Variants in VOPP1 observed in about 807,000 individuals in gnomAD.
The protein encoded by VOPP1 is WW domain binding protein VOPP1.
VOPP1 carries 8 observed loss-of-function variants against 23.5 expected under a neutral mutation model. The observed-to-expected ratio is 0.34, with a 90% CI of 0.20 to 0.61. The LOEUF (loss-of-function observed/expected upper bound fraction) is 0.61, where lower values mean the gene tolerates loss of function less well. Ranked by LOEUF, VOPP1 falls within the 20% of genes least tolerant of loss-of-function variation. The pLI is 0.78. For synonymous variants in VOPP1, 83 were observed against 97.3 expected (o/e 0.85, Z 0.86); for missense variants, 174 against 238.1 (o/e 0.73, Z 1.77).
chr7:55,436,629 TGC>T (rs1368729078), intron 4 of VOPP1, among the ~76,000 whole-genome samples: 1 of 139,038 alleles, frequency 7.2e-6, no homozygotes, highest in African/African-American at 2.7e-5. Flanking sequence ...TGTGTGTGTG[TGC>T]GTGTGTGTGC....
chr7:55,539,938 CACAG>C (rs1414732240), intron 1 of VOPP1, among the ~76,000 whole-genome samples: 2 of 150,034 alleles, frequency 1.3e-5, no homozygotes, highest in East Asian at 3.9e-4. Flanking sequence ...CACACACACA[CACAG>C]CCTCCCAAAT....
At chr7:55,492,615 A>T (rs1793664832) in intron 3 of VOPP1, among the ~76,000 whole-genome samples, 197 bp from the exon 4 acceptor site, 1 of 152,212 alleles carries the variant, frequency 6.6e-6, no homozygotes, top group East Asian at 1.9e-4. Flanking sequence ...ACCCAGGGAC[A>T]TTCCTCTAGT....
chr7:55,514,548 C>T (rs994373769), intron 2 of VOPP1, among the ~76,000 whole-genome samples: 6 of 152,200 alleles, frequency 3.9e-5, no homozygotes, highest in African/African-American at 1.4e-4. Flanking sequence ...ATACTGAGTG[C>T]CTTCTATGGG....
At chr7:55,468,990 A>G (rs867446150), downstream of VOPP1, among the ~76,000 whole-genome samples, 1 of 152,226 alleles carries the variant, frequency 6.6e-6, no homozygotes, top group Non-Finnish European at 1.5e-5. Flanking sequence ...AAGTGTCAGA[A>G]AAGGTACACT....
At chr7:55,515,286 C>T (rs564984970) in intron 2 of VOPP1, among the ~76,000 whole-genome samples, 1 of 152,276 alleles carries the variant, frequency 6.6e-6, no homozygotes, top group African/African-American at 2.4e-5. Context: ...ATTCAGGCAC[C>T]GAGGAAGGCC....
intron 1 of VOPP1, among the ~76,000 whole-genome samples, chr7:55,570,594 G>A (rs929943344): frequency 4.6e-5 from 7 of 152,276 alleles, no homozygotes; most frequent in Middle Eastern, 6.8e-3. Flanking sequence ...GGAGACATGG[G>A]TGGCACAAAC....
At chr7:55,468,594 T>C (rs551196211), downstream of VOPP1, among the ~76,000 whole-genome samples, 3 of 152,338 alleles carry the variant, frequency 2.0e-5, no homozygotes, top group Non-Finnish European at 4.4e-5. Context: ...AGCGACTGGA[T>C]TGCAACTATG....
At chr7:55,548,407 C>T (rs1384779703) in intron 1 of VOPP1, among the ~76,000 whole-genome samples, 1 of 152,244 alleles carries the variant, frequency 6.6e-6, no homozygotes, top group East Asian at 1.9e-4. Context: ...GCTCCGCCCT[C>T]TGCCCCTCCG....
intron 3 of VOPP1, among the ~76,000 whole-genome samples, chr7:55,493,430 G>C (rs1268189433): frequency 6.6e-6 from 1 of 152,230 alleles, no homozygotes; most frequent in Admixed American, 6.5e-5. Flanking sequence ...TATAAAAGAA[G>C]CTCTTAAGAG....
chr7:55,541,538 G>C (rs1797133404), intron 1 of VOPP1, among the ~76,000 whole-genome samples: 1 of 152,198 alleles, frequency 6.6e-6, no homozygotes, highest in African/African-American at 2.4e-5. Flanking sequence ...CAGCAGCTTT[G>C]AAAATCAGTC....
intron 3 of VOPP1, among the ~76,000 whole-genome samples, chr7:55,495,221 A>T (rs946960294): frequency 6.6e-6 from 1 of 152,088 alleles, no homozygotes; most frequent in Non-Finnish European, 1.5e-5. Context: ...GTGCTTTCTG[A>T]GTCCACTCAA....
At chr7:55,562,051 T>C in intron 1 of VOPP1, 1 of 703,362 alleles carries the variant, frequency 1.4e-6, no homozygotes, top group Non-Finnish European at 2.6e-6. Flanking sequence ...GCAATGTGCA[T>C]CTGTTAAAAA....
intron 2 of VOPP1, among the ~76,000 whole-genome samples, chr7:55,519,002 GAGA>G (rs1795661730): frequency 6.6e-6 from 1 of 152,224 alleles, no homozygotes; most frequent in Admixed American, 6.5e-5. Context: ...AGGCAGAACA[GAGA>G]AGACTAGTGG....
intron 4 of VOPP1, among the ~76,000 whole-genome samples, chr7:55,452,000 G>A (rs1791257470): frequency 6.6e-6 from 1 of 152,116 alleles, no homozygotes; most frequent in Admixed American, 6.5e-5. Context: ...CTTTATTTCA[G>A]GAAAGATTTC....
chr7:55,528,461 A>G (rs1219304733), intron 1 of VOPP1, among the ~76,000 whole-genome samples: 2 of 152,208 alleles, frequency 1.3e-5, no homozygotes, highest in East Asian at 3.8e-4. Flanking sequence ...AAAGAAGTGA[A>G]AACTGGATAT....
At chr7:55,473,441 C>T (rs1012535616) in intron 4 of VOPP1, among the ~76,000 whole-genome samples, 1 of 152,208 alleles carries the variant, frequency 6.6e-6, no homozygotes, top group Non-Finnish European at 1.5e-5. Flanking sequence ...GTGACCATTT[C>T]TGAAGTAAGG....
chr7:55,514,344 C>G (rs1465209674), intron 2 of VOPP1, among the ~76,000 whole-genome samples: 1 of 152,238 alleles, frequency 6.6e-6, no homozygotes, highest in Non-Finnish European at 1.5e-5. Flanking sequence ...TGAAGGTGAT[C>G]TAGCACAGGA....
intron 1 of VOPP1, among the ~76,000 whole-genome samples, chr7:55,525,617 T>C (rs1039198583): frequency 2.0e-5 from 3 of 152,074 alleles, no homozygotes; most frequent in African/African-American, 4.8e-5. Context: ...CTGTCCCTAA[T>C]TGTGTCTTCT....
intron 1 of VOPP1, among the ~76,000 whole-genome samples, chr7:55,559,929 G>A (rs183110375): frequency 2.2e-4 from 34 of 152,322 alleles, no homozygotes; most frequent in Non-Finnish European, 4.4e-4. Flanking sequence ...CGTGGCAGGC[G>A]ATCACCTGAG....
Sources: gnomAD v4.1 joint callset for allele counts (sites outside exome capture counted in the v4.1 genomes callset) on GRCh38, gnomAD v4.1.1 for gene constraint, MANE v1.5 for transcripts, NCBI Gene and HGNC (gene_info 2026-07-23, HGNC 2026-07-21) for gene names.